Variants in ROBO2 observed in about 807,000 individuals in gnomAD.
ROBO2 encodes roundabout homolog 2.
Under a neutral mutation model 160.8 loss-of-function variants are expected in ROBO2, and 53 were observed. The ratio of observed to expected loss-of-function variants is 0.33; its 90% CI spans 0.26 to 0.41. ROBO2 has a LOEUF of 0.41. Among genes scored for constraint, ROBO2 ranks in the 10% least tolerant of loss-of-function variants. The pLI is 1.00. For synonymous variants in ROBO2, 664 were observed against 611.7 expected, an observed-to-expected ratio of 1.09 and a Z score of -1.26; for missense variants, 1,577 against 1,722.4, an observed-to-expected ratio of 0.92 and a Z score of 1.49.
rs1267922623 is a variant in ROBO2 at position 77,628,252 on chromosome 3, G to C, written c.3760+5820G>C. Among the ~76,000 whole-genome samples the C allele has an allele frequency of 2.0e-5, 3 of 152,206 alleles. No homozygotes were observed. The East Asian group carries it at 5.8e-4, about 29-fold the overall frequency. On this transcript the variant is annotated intron_variant, in intron 23 of 25. Transcript: ENST00000461745. Reference sequence around the variant, plus strand: ...TTTGGGGCTGAAACATGTCAAATTGGTATGGAGTGCTTATTAATTTGTAAG... The same window carrying C: ...TTTGGGGCTGAAACATGTCAAATTGCTATGGAGTGCTTATTAATTTGTAAG...
chr3:76,215,898 G>A (rs1390013202), intron 2 of ROBO2, among the ~76,000 whole-genome samples: 1 of 152,112 alleles, frequency 6.6e-6, no homozygotes, highest in African/African-American at 2.4e-5. Context: ...AAATGTTAAG[G>A]GCAGCCAGAG....
intron 2 of ROBO2, among the ~76,000 whole-genome samples, chr3:75,983,240 G>GA (rs1303422603): frequency 1.3e-5 from 2 of 151,462 alleles, no homozygotes; most frequent in African/African-American, 4.8e-5. Flanking sequence ...TGAAGAGTCT[G>GA]ATTCTGTGTG....
intron 2 of ROBO2, among the ~76,000 whole-genome samples, chr3:76,499,261 G>A (rs1267980362): frequency 6.6e-6 from 1 of 152,126 alleles, no homozygotes; most frequent in African/African-American, 2.4e-5. Context: ...TTACTGAAAA[G>A]TAGGGGAAAA....
At chr3:77,277,077 A>AT (rs1328927356) in intron 2 of ROBO2, among the ~76,000 whole-genome samples, 1 of 152,090 alleles carries the variant, frequency 6.6e-6, no homozygotes, top group Admixed American at 6.6e-5. Flanking sequence ...AAAACCTTGT[A>AT]TTTTAAAAAG....
chr3:77,406,576 T>G (rs2076270643), intron 2 of ROBO2, among the ~76,000 whole-genome samples: 1 of 152,220 alleles, frequency 6.6e-6, no homozygotes, highest in Non-Finnish European at 1.5e-5. Flanking sequence ...ACAATTTCAA[T>G]TAGTAATACT....
intron 2 of ROBO2, among the ~76,000 whole-genome samples, chr3:76,855,480 C>A (rs889181517): frequency 1.4e-4 from 22 of 152,186 alleles, no homozygotes; most frequent in Admixed American, 3.9e-4. Flanking sequence ...GTGTATAAAA[C>A]AAATGTTTTC....
intron 19 of ROBO2, among the ~76,000 whole-genome samples, chr3:77,601,756 A>G (rs1432242493): frequency 6.6e-6 from 1 of 152,234 alleles, no homozygotes; most frequent in Non-Finnish European, 1.5e-5. Context: ...TAGTCGGTAT[A>G]GTATAATTTT....
intron 23 of ROBO2, among the ~76,000 whole-genome samples, chr3:77,622,759 T>TA (rs953004739): frequency 6.6e-6 from 1 of 152,198 alleles, no homozygotes; most frequent in Admixed American, 6.5e-5. Flanking sequence ...ATGATCTTTT[T>TA]TATATATATC....
chr3:75,963,876 A>G (rs1949012458), intron 2 of ROBO2, among the ~76,000 whole-genome samples: 1 of 151,568 alleles, frequency 6.6e-6, no homozygotes, highest in African/African-American at 2.4e-5. Context: ...CCCTTTCCAA[A>G]TTTTATTTTA....
intron 2 of ROBO2, among the ~76,000 whole-genome samples, chr3:76,071,905 G>A (rs905287505): frequency 4.6e-5 from 7 of 151,884 alleles, no homozygotes; most frequent in African/African-American, 1.2e-4. Flanking sequence ...ATTTACTTTG[G>A]TTCACTTTCT....
rs1436224312 is a variant in ROBO2, at chr3:77,338,763, A to G, written c.389-138651A>G. The stretch of plus-strand genomic sequence containing the variant: ...GGTATAGGTCAAGAAAATTACTAGG[A>G]TTAGGTATTTGCTACTAGCAAAGCA... On this transcript the variant is annotated intron_variant, in intron 2 of 25. Coordinates refer to ENST00000461745, the Ensembl canonical transcript of ROBO2. Among the ~76,000 whole-genome samples the G allele has an allele frequency of 2.6e-5, 4 of 152,154 alleles. No individual in the cohort carries two copies. The East Asian group carries it at 5.8e-4, about 22-fold the overall frequency.
chr3:76,409,597 T>C (rs1457246234), intron 2 of ROBO2, among the ~76,000 whole-genome samples: 1 of 152,078 alleles, frequency 6.6e-6, no homozygotes, highest in South Asian at 2.1e-4. Context: ...CAGTATAGTT[T>C]ATTGAGGAGG....
intron 2 of ROBO2, among the ~76,000 whole-genome samples, chr3:77,192,072 T>C (rs1048410578): frequency 6.6e-6 from 1 of 152,180 alleles, no homozygotes; most frequent in Non-Finnish European, 1.5e-5. Flanking sequence ...AAGTAAGCAA[T>C]GTAACATTAT....
At chr3:76,634,134 C>CA (rs553442184) in intron 2 of ROBO2, among the ~76,000 whole-genome samples, 132 of 152,268 alleles carry the variant, frequency 8.7e-4, no homozygotes, top group African/African-American at 3.0e-3. Flanking sequence ...AGCTAGCGAG[C>CA]AAAAAATCAA....
At chr3:76,011,069 A>C (rs1203861467) in intron 2 of ROBO2, among the ~76,000 whole-genome samples, 1 of 152,180 alleles carries the variant, frequency 6.6e-6, no homozygotes, top group African/African-American at 2.4e-5. Context: ...AACCTTGAAG[A>C]AAACTGCGGA....
At chr3:77,431,603 G>A (rs2078779491) in intron 2 of ROBO2, among the ~76,000 whole-genome samples, 1 of 152,054 alleles carries the variant, frequency 6.6e-6, no homozygotes, top group Non-Finnish European at 1.5e-5. Context: ...AGCAGAATCT[G>A]TCTTACTTTC....
intron 2 of ROBO2, among the ~76,000 whole-genome samples, chr3:77,282,853 C>T (rs544424107): frequency 7.3e-5 from 11 of 151,072 alleles, no homozygotes; most frequent in African/African-American, 1.5e-4. Flanking sequence ...CTAGAGTGAA[C>T]GCTTTACTAG....
intron 2 of ROBO2, among the ~76,000 whole-genome samples, chr3:76,053,197 G>A (rs1280343293): frequency 6.6e-6 from 1 of 151,920 alleles, no homozygotes; most frequent in African/African-American, 2.4e-5. Context: ...TAAAGTACAT[G>A]ATTCATTTAG....
At chr3:76,194,356 ATAT>A (rs1702155213) in intron 2 of ROBO2, among the ~76,000 whole-genome samples, 2 of 84,744 alleles carry the variant, frequency 2.4e-5, no homozygotes, top group East Asian at 1.6e-3. Context: ...GTGTGTAAAT[ATAT>A]ATATATATAT....
Sources: gnomAD v4.1 joint callset for allele counts (sites outside exome capture counted in the v4.1 genomes callset) on GRCh38, gnomAD v4.1.1 for gene constraint, MANE v1.5 for transcripts, NCBI Gene and HGNC (gene_info 2026-07-23, HGNC 2026-07-21) for gene names.